The following STAG1 variants were observed in gnomAD, a reference collection of about 807,000 sequenced individuals.
The protein encoded by STAG1 is STAG1 cohesin complex component.
STAG1 carries 26 observed loss-of-function variants against 170.9 expected under a neutral mutation model. That is an observed-to-expected ratio of 0.15 (90% CI 0.11 to 0.21). The LOEUF (loss-of-function observed/expected upper bound fraction) is 0.21, where lower values mean the gene tolerates loss of function less well. STAG1 is among the 10% of genes least tolerant of loss of function. The pLI, the probability that STAG1 is intolerant of heterozygous loss-of-function variation, is 1.00. For missense variants in STAG1, 964 were observed against 1,509.5 expected, an observed-to-expected ratio of 0.64 and a Z score of 5.99; for synonymous variants, 514 against 497.7, an observed-to-expected ratio of 1.03 and a Z score of -0.44.
chr3:136,451,779 A>C (rs941856510), intron 14 of STAG1, among the ~76,000 whole-genome samples: 2 of 152,108 alleles, frequency 1.3e-5, no homozygotes, highest in Non-Finnish European at 2.9e-5. Flanking sequence ...AAAAAAAAAA[A>C]AGATATGCAG....
chr3:136,711,871 A>T (rs1943390507), intron 1 of STAG1, among the ~76,000 whole-genome samples: 1 of 152,242 alleles, frequency 6.6e-6, no homozygotes, highest in African/African-American at 2.4e-5. Flanking sequence ...TACATATTAC[A>T]TATCTAAATG....
At chr3:136,743,890 C>A (rs1490258128) in intron 1 of STAG1, among the ~76,000 whole-genome samples, 2 of 152,170 alleles carry the variant, frequency 1.3e-5, no homozygotes, top group Non-Finnish European at 2.9e-5. Context: ...GTTGGCTTAT[C>A]CCAGTAACCA....
At chr3:136,551,883 C>G (rs765638258) in intron 5 of STAG1, among the ~76,000 whole-genome samples, 14 of 152,126 alleles carry the variant, frequency 9.2e-5, no homozygotes, top group Non-Finnish European at 2.1e-4. Flanking sequence ...ACGTGAGCCA[C>G]TGTGCCTGGC....
intron 1 of STAG1, among the ~76,000 whole-genome samples, chr3:136,659,811 C>CA (rs1941515890): frequency 1.3e-5 from 2 of 152,076 alleles, no homozygotes; most frequent in African/African-American, 4.8e-5. Context: ...AATGAATGAA[C>CA]ATATGCTATA....
At chr3:136,374,146 C>A (rs542445239) in intron 23 of STAG1, among the ~76,000 whole-genome samples, 12 of 151,870 alleles carry the variant, frequency 7.9e-5, no homozygotes, top group Non-Finnish European at 1.3e-4. Flanking sequence ...CTGTTTCATC[C>A]GAGACTAGGA....
chr3:136,730,126 T>C (rs1238242020), intron 1 of STAG1, among the ~76,000 whole-genome samples: 1 of 151,992 alleles, frequency 6.6e-6, no homozygotes, highest in East Asian at 1.9e-4. Flanking sequence ...GTTCCTGGGC[T>C]CAGGCAATCC....
chr3:136,340,341 C>T (rs528504313), intron 32 of STAG1, 150 bp downstream of exon 32: 5 of 537,628 alleles, frequency 9.3e-6, no homozygotes, highest in Admixed American at 3.1e-5. Context: ...AGGCTGGTTT[C>T]GAACTCCCGA....
intron 24 of STAG1, among the ~76,000 whole-genome samples, chr3:136,368,828 G>A (rs1027845099): frequency 4.6e-5 from 7 of 152,038 alleles, no homozygotes; most frequent in African/African-American, 1.4e-4. Context: ...CTATATGAAT[G>A]TATTACTATT....
In STAG1 at chr3:136,505,803, G is replaced by A. The variant is rs1360446433; in HGVS notation, c.677-3024C>T. 2.0e-5 allele frequency among the ~76,000 whole-genome samples: 3 copies of A among 152,216 alleles called. No homozygotes were observed. The South Asian group carries it at 6.2e-4, about 32-fold the overall frequency. ...GGTGCTATTTTAGATGGTCATTTGG[G>A]AAGGCCTCTCTGAGACCTTGACATT... On this transcript the variant is annotated intron_variant, in intron 7 of 33. Coordinates refer to ENST00000383202, the MANE Select transcript of STAG1 (RefSeq NM_005862.3).
chr3:136,532,445 G>A (rs1049068009), intron 6 of STAG1, among the ~76,000 whole-genome samples: 5 of 152,074 alleles, frequency 3.3e-5, no homozygotes, highest in East Asian at 1.9e-4. Flanking sequence ...AGTTTGAGGA[G>A]GACTGGTGTT....
At chr3:136,630,163 C>G (rs1161246752) in intron 2 of STAG1, among the ~76,000 whole-genome samples, 1 of 152,024 alleles carries the variant, frequency 6.6e-6, no homozygotes. Context: ...CCACTGCATT[C>G]CAGCATGGGC....
chr3:136,710,092 A>G (rs577347094), intron 1 of STAG1, among the ~76,000 whole-genome samples: 1 of 152,328 alleles, frequency 6.6e-6, no homozygotes, highest in South Asian at 2.1e-4. Flanking sequence ...GGAACTCCAG[A>G]TAAGTATCAG....
chr3:136,656,287 G>A (rs955654764), intron 1 of STAG1, among the ~76,000 whole-genome samples: 2 of 152,060 alleles, frequency 1.3e-5, no homozygotes, highest in Non-Finnish European at 1.5e-5. Context: ...GGCACTGAAG[G>A]GTTTTTATTT....
chr3:136,392,304 A>G (rs928471007), intron 22 of STAG1, among the ~76,000 whole-genome samples: 8 of 152,222 alleles, frequency 5.3e-5, no homozygotes, highest in Admixed American at 2.0e-4. Context: ...GGAGAGAGGT[A>G]AAATAAATTA....
intron 1 of STAG1, among the ~76,000 whole-genome samples, chr3:136,729,581 T>G (rs890899559): frequency 6.9e-6 from 1 of 145,340 alleles, no homozygotes. Context: ...TTTTTTTTTT[T>G]TTTTTTTTTT....
At chr3:136,598,835 G>A (rs1418637422) in intron 4 of STAG1, among the ~76,000 whole-genome samples, 1 of 152,084 alleles carries the variant, frequency 6.6e-6, no homozygotes, top group African/African-American at 2.4e-5. Context: ...GCATTATAAA[G>A]AAAACGATCA....
In STAG1 at chr3:136,359,140, T is replaced by C; in HGVS notation, c.2936+8A>G. 1.3e-6 allele frequency: 2 copies of C among 1,597,220 alleles called. No individual in the cohort carries two copies. Among genetic ancestry groups the C allele is most frequent in the Non-Finnish European group, 1.7e-6 (2 of 1,170,422 alleles). On this transcript the variant is annotated splice_region_variant and intron_variant, in intron 27 of 33. Coordinates refer to ENST00000383202, the MANE Select transcript of STAG1 (RefSeq NM_005862.3). The stretch of plus-strand genomic sequence containing the variant: ...GATTCTGCATAACAAAGTGTTTATC[T>C]CACTCACTTGTGAAGTGTGGCAACT...
chr3:136,485,254 G>A (rs565763776), intron 9 of STAG1, among the ~76,000 whole-genome samples: 3 of 152,192 alleles, frequency 2.0e-5, no homozygotes, highest in East Asian at 1.9e-4. Flanking sequence ...TCAGGAGATC[G>A]AGAACATCCT....
intron 12 of STAG1, among the ~76,000 whole-genome samples, chr3:136,465,576 A>G (rs1189220289): frequency 6.7e-6 from 1 of 149,666 alleles, no homozygotes; most frequent in African/African-American, 2.4e-5. Flanking sequence ...AAAAAAAAAA[A>G]AAAAAAAAAA....
Sources: allele counts gnomAD v4.1 joint callset (sites outside exome capture counted in the v4.1 genomes callset), GRCh38; gene constraint gnomAD v4.1.1; transcripts MANE v1.5; gene names NCBI Gene and HGNC (gene_info 2026-07-23, HGNC 2026-07-21).